Variants in NEK10 observed in about 807,000 individuals in gnomAD.
NEK10 encodes the protein serine/threonine-protein kinase Nek10.
In NEK10, 122 loss-of-function variants were observed where a neutral mutation model predicts 159.8. That is an observed-to-expected ratio of 0.76 (90% confidence interval 0.66 to 0.89). NEK10 has a LOEUF of 0.89. Ranked by LOEUF, NEK10 falls within the 40% of genes least tolerant of loss-of-function variation. NEK10 has a pLI of 0.00. For synonymous variants in NEK10, 466 were observed against 457.1 expected (o/e 1.02, Z -0.25); for missense variants, 1,342 against 1,323.1 (o/e 1.01, Z -0.22).
intron 13 of NEK10, among the ~76,000 whole-genome samples, chr3:27,300,327 G>C (rs2043711745): frequency 6.6e-6 from 1 of 151,904 alleles, no homozygotes. Context: ...GCCCTCTCTT[G>C]CCTGCCATCA....
At chr3:27,151,161 G>A (rs1199865422) in intron 30 of NEK10, among the ~76,000 whole-genome samples, 1 of 152,074 alleles carries the variant, frequency 6.6e-6, no homozygotes. Context: ...ATAGCTGATG[G>A]TCTTTGGAAA....
chr3:27,236,564 G>C (rs1025254112), intron 23 of NEK10, among the ~76,000 whole-genome samples: 5 of 152,146 alleles, frequency 3.3e-5, no homozygotes, highest in Non-Finnish European at 5.9e-5. Flanking sequence ...AATACAAAGA[G>C]AGGAATTTTA....
At position 27,314,896 on chromosome 3, in the gene NEK10, C is replaced by T. The variant is rs867656643; in HGVS notation, c.448-558G>A. On this transcript the variant is annotated intron_variant, in intron 6 of 35. Transcript: ENST00000691995. ...GTTTCAACAAGATCTCCAGGTCATACGTACGTACAGTACAGTTTGGGAAGC... is the reference window on the plus strand; with the variant it reads ...GTTTCAACAAGATCTCCAGGTCATATGTACGTACAGTACAGTTTGGGAAGC... Among the ~76,000 whole-genome samples, 7 of 152,266 alleles carry T rather than the reference C, an allele frequency of 4.6e-5. No individual in the cohort carries two copies. The South Asian group carries it at 1.2e-3, about 27-fold the overall frequency.
chr3:27,330,696 G>A lies in NEK10; in HGVS notation c.363-8435C>T, dbSNP rs951527681. Among the ~76,000 whole-genome samples, 3 of 152,050 alleles carry A rather than the reference G, an allele frequency of 2.0e-5. 1 individual carries two copies. The highest frequency in any genetic ancestry group is 4.2e-4 in the South Asian group (2 of 4,816). On this transcript the variant is annotated intron_variant, in intron 5 of 35. Transcript: ENST00000691995. ...CTAACAAAACCAGTGTCAATGGCTC[G>A]AGCAGGGGATAAAAGACTATAAAGA...
In NEK10 at chr3:27,256,465, C is replaced by T. The variant is rs140577233; in HGVS notation, c.2015-94G>A. ...GACAATCTACACAATAACTACTACA[C>T]TTCATAACCAAAGGCTTTTCTTTTC... On this transcript the variant is annotated intron_variant, in intron 22 of 35. Transcript: ENST00000691995. 2.2e-3 allele frequency: 1,145 copies of T among 523,318 alleles called. 10 individuals carry two copies. Among genetic ancestry groups the T allele is most frequent in the African/African-American group, 0.02 (1,025 of 50,348 alleles). The allele number at this position is 523,318 out of a possible 1,614,324, so 32.4% of individuals were successfully genotyped here. A position where few individuals can be genotyped will look rare whatever the true frequency, so the allele number is the denominator to read the frequency against.
At chr3:27,347,359 A>T (rs955580279) in intron 3 of NEK10, among the ~76,000 whole-genome samples, 1 of 151,920 alleles carries the variant, frequency 6.6e-6, no homozygotes, top group African/African-American at 2.4e-5. Flanking sequence ...AAAATTAGCC[A>T]GGTGTGGTGG....
At chr3:27,359,661 T>G (rs1351853830) in intron 1 of NEK10, among the ~76,000 whole-genome samples, 3 of 152,196 alleles carry the variant, frequency 2.0e-5, no homozygotes, top group Admixed American at 2.0e-4. Flanking sequence ...AATGCACTGG[T>G]TAAATGTTTA....
At position 27,331,262 on chromosome 3, in the gene NEK10, A is replaced by AAAAAAC; in HGVS notation, c.363-9002_363-9001insGTTTTT. Reference sequence around the variant, plus strand: ...CAAAAAAAAAAAAACAAAAAAAAAAAACACACAAACCTAAGACTTTTGAGG... The same window carrying AAAAAAC: ...CAAAAAAAAAAAAACAAAAAAAAAAAAAAAACACACACAAACCTAAGACTTTTGAGG... On this transcript the variant is annotated intron_variant, in intron 5 of 35. Coordinates refer to ENST00000691995, the MANE Select transcript of NEK10 (RefSeq NM_001394966.1). Among the ~76,000 whole-genome samples the AAAAAAC allele has an allele frequency of 1.3e-3, 146 of 110,096 alleles. 10 individuals are homozygous for AAAAAAC. Among genetic ancestry groups the AAAAAAC allele is most frequent in the South Asian group, 2.4e-3 (7 of 2,960 alleles). 72.2% of individuals were successfully genotyped at this position (110,096 alleles called of 152,430 possible). A position where few individuals can be genotyped will look rare whatever the true frequency, so the allele number is the denominator to read the frequency against.
rs190112722 is a variant in NEK10, at chr3:27,280,985, A to G, written c.2014+3617T>C. Among the ~76,000 whole-genome samples, 1,294 of 151,838 alleles carry G rather than the reference A, an allele frequency of 8.5e-3. 8 individuals carry two copies. The highest frequency in any genetic ancestry group is 0.015 in the Non-Finnish European group (994 of 67,970). ...TATACCTTCAGAAGATGCAGAAACA[A>G]TTCAGGATGCTAAAGAAAAAAAAGT... On this transcript the variant is annotated intron_variant, in intron 22 of 35. Coordinates refer to ENST00000691995, the MANE Select transcript of NEK10 (RefSeq NM_001394966.1).
At position 27,123,799 on chromosome 3, in the gene NEK10, T is replaced by C. The variant is rs971270273; in HGVS notation, c.3082-3931A>G. 6.6e-5 allele frequency among the ~76,000 whole-genome samples: 10 copies of C among 151,116 alleles called. No individual in the cohort carries two copies. The South Asian group carries it at 2.1e-3, about 32-fold the overall frequency. On this transcript the variant is annotated intron_variant, in intron 32 of 35. Coordinates refer to ENST00000691995, the MANE Select transcript of NEK10 (RefSeq NM_001394966.1). ...AGCTGAAAGAATGAGTAAGAATGAG[T>C]AGATGGGGCGAGAAGAACATTACAG... is the stretch of plus-strand genomic sequence containing the variant.
At chr3:27,193,849 GA>G (rs1949335224) in intron 25 of NEK10, among the ~76,000 whole-genome samples, 2 of 151,974 alleles carry the variant, frequency 1.3e-5, no homozygotes, top group Admixed American at 1.3e-4. Context: ...CACTAGACTG[GA>G]AACTTCTAGA....
chr3:27,191,919 G>C, intron 26 of NEK10, 110 bp downstream of exon 26: 1 of 808,632 alleles, frequency 1.2e-6, no homozygotes, highest in Non-Finnish European at 2.1e-6. Flanking sequence ...CTGCAATATT[G>C]CATGTAACTA....
chr3:27,132,406 G>A (rs1942726916), intron 31 of NEK10, among the ~76,000 whole-genome samples: 1 of 152,116 alleles, frequency 6.6e-6, no homozygotes, highest in Admixed American at 6.5e-5. Context: ...CTGACACTTT[G>A]GACCAGGAAA....
intron 33 of NEK10, 89 bp from the exon 34 acceptor site, chr3:27,116,216 G>A: frequency 1.8e-6 from 2 of 1,120,812 alleles, no homozygotes; most frequent in Non-Finnish European, 1.3e-6. Context: ...CAACCACAGG[G>A]CAAACAGGTC....
At chr3:27,277,883 T>A (rs2041882740) in intron 22 of NEK10, among the ~76,000 whole-genome samples, 1 of 152,218 alleles carries the variant, frequency 6.6e-6, no homozygotes, top group African/African-American at 2.4e-5. Context: ...ATGTTCTGTC[T>A]TTCCTGCCTC....
intron 5 of NEK10, among the ~76,000 whole-genome samples, 199 bp from the exon 6 acceptor site, chr3:27,322,460 G>C (rs552259403): frequency 1.4e-5 from 2 of 146,532 alleles, no homozygotes; most frequent in Non-Finnish European, 3.1e-5. Context: ...GTGTGGAGGA[G>C]AGGCCCCCCC....
At chr3:27,293,486 G>T in intron 16 of NEK10, 102 bp downstream of exon 16, 1 of 567,960 alleles carries the variant, frequency 1.8e-6, no homozygotes, top group Non-Finnish European at 3.1e-6. Context: ...GCATACTGAC[G>T]CATTATTTTC....
At chr3:27,335,423 C>T (rs765293563) in intron 5 of NEK10, among the ~76,000 whole-genome samples, 7 of 151,150 alleles carry the variant, frequency 4.6e-5, no homozygotes, top group Non-Finnish European at 1.0e-4. Context: ...ACTTTAAAAC[C>T]CCCACTCTCA....
chr3:27,119,771 T>A lies in NEK10; in HGVS notation c.3179A>T (p.Asn1060Ile). 6.2e-7 allele frequency: 1 copy of A among 1,613,418 alleles called. No individual in the cohort carries two copies. The highest frequency in any genetic ancestry group is 8.5e-7 in the Non-Finnish European group (1 of 1,179,378). ...TTGATCACTATTACCTGTAGGGTCA[T>A]TTGGGGACAGGCTGTTTCCACCGGA... is the stretch of plus-strand genomic sequence containing the variant. Reference protein sequence around the residue: ...RSSGGNSLSPNDPTGLPTSIE... With the variant: ...RSSGGNSLSPIDPTGLPTSIE... The change falls in exon 33 of 36, where the codon AAT becomes ATT. Residue 1060 changes from asparagine (N) to isoleucine (I), a missense_variant. By Grantham distance (149) the Asn-to-Ile change is moderately radical. Coordinates refer to ENST00000691995, the MANE Select transcript of NEK10 (RefSeq NM_001394966.1).
Sources: gnomAD v4.1 joint callset for allele counts (sites outside exome capture counted in the v4.1 genomes callset) on GRCh38, gnomAD v4.1.1 for gene constraint, MANE v1.5 for transcripts, NCBI Gene and HGNC (gene_info 2026-07-23, HGNC 2026-07-21) for gene names.